The following PREPL variants were observed in gnomAD, a reference collection of about 807,000 sequenced individuals.
The protein encoded by PREPL is prolyl endopeptidase like, also known as prolyl endopeptidase-like.
PREPL carries 77 observed loss-of-function variants against 70.6 expected under a neutral mutation model. The observed-to-expected ratio is 1.09, with a 90% CI of 0.91 to 1.32. PREPL has a LOEUF of 1.32. Among genes scored for constraint, PREPL ranks in the 40% most tolerant of loss-of-function variants. The pLI, the probability that PREPL is intolerant of heterozygous loss-of-function variation, is 0.00. For missense variants in PREPL, 1,002 were observed against 778.2 expected (o/e 1.29, Z -3.42); for synonymous variants, 315 against 264.8 (o/e 1.19, Z -1.84).
At chr2:44,344,624 T>TAA (rs754391645) in intron 2 of PREPL, 38 bp from the exon 3 acceptor site, 3 of 1,451,638 alleles carry the variant, frequency 2.1e-6, no homozygotes, top group Middle Eastern at 1.8e-4. Context: ...AATAATAATT[T>TAA]AATTAACCTT....
intron 5 of PREPL, 65 bp from the exon 6 acceptor site, chr2:44,339,428 C>A: frequency 6.3e-7 from 1 of 1,580,628 alleles, no homozygotes; most frequent in South Asian, 1.1e-5. Flanking sequence ...TTGTTAAGGA[C>A]AGTATCTCAG....
rs143261283 is a variant in PREPL, at chr2:44,323,376, G to A, written c.1515C>T (p.Asp505=). 2 of 1,603,982 alleles carry A rather than the reference G, an allele frequency of 1.2e-6. No homozygotes were observed. The highest frequency in any genetic ancestry group is 1.7e-6 in the Non-Finnish European group (2 of 1,173,662). ...PFLDVLNTMM[D]TTLPLTLEEL... ...CTTCTAATGTCAGAGGAAGTGTAGT[G>A]TCCATCATGGTGTTGAGAACATCCA... The change falls in exon 11 of 14, where the codon GAC becomes GAT. Residue 505 remains aspartate (D), a synonymous_variant. Transcript: ENST00000409411.
rs74817584 is a variant in PREPL, at chr2:44,338,205, A to G, written c.888+146T>C. On this transcript the variant is annotated intron_variant, in intron 7 of 13. Coordinates refer to ENST00000409411, the MANE Select transcript of PREPL (RefSeq NM_001171613.2). Reference sequence around the variant, plus strand: ...ATTCTAAGATAACCCTCCTAAACCCAAGAGTGACTTTGCTAAATTCCATTT... The same window carrying G: ...ATTCTAAGATAACCCTCCTAAACCCGAGAGTGACTTTGCTAAATTCCATTT... The G allele has an allele frequency of 9.5e-4, 726 of 767,384 alleles. 4 individuals are homozygous for G. In the African/African-American group the frequency reaches 0.012, roughly 13 times the overall value. The allele number at this position is 767,384 out of a possible 1,614,324, so 47.5% of individuals were successfully genotyped here. A position where few individuals can be genotyped will look rare whatever the true frequency, so the allele number is the denominator to read the frequency against.
At chr2:44,355,108 T>G (rs1350930461) in intron 1 of PREPL, among the ~76,000 whole-genome samples, 1 of 152,204 alleles carries the variant, frequency 6.6e-6, no homozygotes, top group African/African-American at 2.4e-5. Flanking sequence ...TTGTGTCAGT[T>G]TAGGTCAGGT....
At chr2:44,347,681 T>G (rs190564952) in intron 1 of PREPL, among the ~76,000 whole-genome samples, 117 of 152,348 alleles carry the variant, frequency 7.7e-4, no homozygotes, top group African/African-American at 2.7e-3. Context: ...GCCAAGATAT[T>G]TTACTTCAGC....
chr2:44,359,881 C>T, intron 1 of PREPL: 1 of 577,414 alleles, frequency 1.7e-6, no homozygotes, highest in Admixed American at 3.2e-5. Flanking sequence ...CTTCAGACAG[C>T]TGATAACTTA....
chr2:44,359,881 C>A (rs1572596566), intron 1 of PREPL: 3 of 577,414 alleles, frequency 5.2e-6, no homozygotes, highest in Non-Finnish European at 9.2e-6. Flanking sequence ...CTTCAGACAG[C>A]TGATAACTTA....
chr2:44,336,430 G>C (rs1204178590), intron 7 of PREPL, among the ~76,000 whole-genome samples: 1 of 152,092 alleles, frequency 6.6e-6, no homozygotes, highest in Non-Finnish European at 1.5e-5. Flanking sequence ...CAAGCCAACA[G>C]AGGAACAGAA....
chr2:44,323,532 A>C lies in PREPL; in HGVS notation c.1480-121T>G, dbSNP rs12474294. 65,898 of 756,936 alleles carry C rather than the reference A, an allele frequency of 0.087. 3,333 individuals carry two copies. The highest frequency in any genetic ancestry group is 0.1 in the Non-Finnish European group (52,343 of 510,108). 46.9% of individuals were successfully genotyped at this position (756,936 alleles called of 1,614,324 possible). On this transcript the variant is annotated intron_variant, in intron 10 of 13. Transcript: ENST00000409411. Reference sequence around the variant, plus strand: ...AGAGAAAATAACTCAAGCCATGTAGATTCCTAGGAGCTAGAATACTCAGTC... The same window carrying C: ...AGAGAAAATAACTCAAGCCATGTAGCTTCCTAGGAGCTAGAATACTCAGTC...
intron 1 of PREPL, among the ~76,000 whole-genome samples, chr2:44,355,176 G>A (rs1291428974): frequency 6.6e-6 from 1 of 152,162 alleles, no homozygotes; most frequent in East Asian, 1.9e-4. Flanking sequence ...TTTCTAACAG[G>A]CTTTTGGATT....
chr2:44,352,454 G>T (rs111717942), intron 1 of PREPL, among the ~76,000 whole-genome samples: 1 of 152,066 alleles, frequency 6.6e-6, no homozygotes, highest in African/African-American at 2.4e-5. Context: ...TAGAGACAGG[G>T]TTTTGCCATG....
chr2:44,325,899 A>G (rs1324302401), intron 10 of PREPL, among the ~76,000 whole-genome samples: 1 of 152,242 alleles, frequency 6.6e-6, no homozygotes. Context: ...AATTTCTGAC[A>G]CTGGGAAAAG....
chr2:44,351,577 T>C (rs139554237), intron 1 of PREPL, among the ~76,000 whole-genome samples: 209 of 151,532 alleles, frequency 1.4e-3, no homozygotes, highest in South Asian at 2.9e-3. Context: ...AAATGACAAA[T>C]CTGTCCTCCC....
chr2:44,326,898 G>A lies in PREPL; in HGVS notation c.1293C>T (p.His431=), dbSNP rs760961704. The change falls in exon 10 of 14, where the codon CAC becomes CAT. Residue 431 remains histidine (H), a synonymous_variant. Coordinates refer to ENST00000409411, the MANE Select transcript of PREPL (RefSeq NM_001171613.2). ...GTTTTTTAGTTAGGCGGCCATCAGCGTGCCACTGGAGGCCTAACTCACCAC... is the reference window on the plus strand; with the variant it reads ...GTTTTTTAGTTAGGCGGCCATCAGCATGCCACTGGAGGCCTAACTCACCAC... ...RGGGELGLQW[H]ADGRLTKKLN... is the part of the protein sequence containing the mutation. The A allele has an allele frequency of 1.2e-5, 19 of 1,613,984 alleles. No individual in the cohort carries two copies. The East Asian group carries it at 1.8e-4, about 15-fold the overall frequency.
In PREPL at chr2:44,318,142, G is replaced by C. The variant is rs748672883; in HGVS notation, c.*3214C>G. 2.3e-6 allele frequency: 1 copy of C among 440,988 alleles called. No homozygotes were observed. The highest frequency in any genetic ancestry group is 4.5e-6 in the Non-Finnish European group (1 of 220,518). The allele number at this position is 440,988 out of a possible 1,614,324, so 27.3% of individuals were successfully genotyped here. On this transcript the variant is annotated 3_prime_UTR_variant, in exon 14 of 14. Transcript: ENST00000409411. ...GTCTTGCTCCGTCACCCATGCTCGA[G>C]TGCAGTGGCGTGATCTCGGCACACT...
intron 2 of PREPL, among the ~76,000 whole-genome samples, chr2:44,345,411 G>C (rs1225644649): frequency 1.3e-5 from 2 of 151,882 alleles, no homozygotes; most frequent in African/African-American, 4.8e-5. Flanking sequence ...GAGTGCAGTG[G>C]TGCAATCTTG....
At chr2:44,346,712 T>A (rs1675866610) in intron 1 of PREPL, among the ~76,000 whole-genome samples, 1 of 151,858 alleles carries the variant, frequency 6.6e-6, no homozygotes, top group South Asian at 2.1e-4. Flanking sequence ...TTATACACAA[T>A]TAAGGAGAAA....
chr2:44,339,096 G>A, intron 6 of PREPL, 51 bp downstream of exon 6: 5 of 1,601,420 alleles, frequency 3.1e-6, no homozygotes, highest in East Asian at 2.2e-5. Context: ...GTTGATCGAA[G>A]TGTGACACTT....
intron 8 of PREPL, 95 bp from the exon 9 acceptor site, chr2:44,329,207 T>C (rs747157310): frequency 8.0e-6 from 8 of 999,404 alleles, no homozygotes; most frequent in Middle Eastern, 2.7e-4. Context: ...CTGTCCCCAC[T>C]TGTGTGCTAC....
Sources: allele counts gnomAD v4.1 joint callset (sites outside exome capture counted in the v4.1 genomes callset), GRCh38; gene constraint gnomAD v4.1.1; transcripts MANE v1.5; gene names NCBI Gene and HGNC (gene_info 2026-07-23, HGNC 2026-07-21).